Variants in SAMD12 observed in about 807,000 individuals in gnomAD.
SAMD12 encodes the protein sterile alpha motif domain-containing protein 12.
In SAMD12, 9 loss-of-function variants were observed where a neutral mutation model predicts 15.0. The ratio of observed to expected loss-of-function variants is 0.60; its 90% CI spans 0.36 to 1.05. The LOEUF (loss-of-function observed/expected upper bound fraction) is 1.05, where lower values mean the gene tolerates loss of function less well. Among genes scored for constraint, SAMD12 ranks in the 50% least tolerant of loss-of-function variants. The pLI is 0.01. For missense variants in SAMD12, 230 were observed against 234.2 expected (o/e 0.98, Z 0.12); for synonymous variants, 86 against 90.1 (o/e 0.96, Z 0.25).
intron 4 of SAMD12, among the ~76,000 whole-genome samples, chr8:118,357,585 T>G (rs1371475752): frequency 1.3e-5 from 2 of 152,208 alleles, no homozygotes; most frequent in Admixed American, 6.5e-5. Flanking sequence ...GTACGTGAGA[T>G]GATGGATATG....
intron 4 of SAMD12, among the ~76,000 whole-genome samples, chr8:118,339,769 G>T (rs902054803): frequency 6.6e-6 from 1 of 152,226 alleles, no homozygotes; most frequent in Non-Finnish European, 1.5e-5. Flanking sequence ...ACACTGAGAG[G>T]CTGTCTCTTC....
At chr8:118,369,675 A>G (rs1818979552) in intron 4 of SAMD12, among the ~76,000 whole-genome samples, 1 of 152,110 alleles carries the variant, frequency 6.6e-6, no homozygotes, top group African/African-American at 2.4e-5. Flanking sequence ...GGATCACGCC[A>G]TTATACTCCC....
the SAMD12 span, among the ~76,000 whole-genome samples, chr8:118,165,191 A>G: frequency 6.6e-6 from 1 of 152,220 alleles, no homozygotes; most frequent in Non-Finnish European, 1.5e-5. Flanking sequence ...CTGACAGGCT[A>G]TAAATTGAAG....
chr8:118,414,481 C>T (rs1028237395), intron 3 of SAMD12, among the ~76,000 whole-genome samples: 1 of 152,162 alleles, frequency 6.6e-6, no homozygotes, highest in Non-Finnish European at 1.5e-5. Flanking sequence ...TTTAATTTTA[C>T]TTTCAAGGAA....
chr8:118,332,937 C>G (rs555796674), intron 4 of SAMD12, among the ~76,000 whole-genome samples: 11 of 152,246 alleles, frequency 7.2e-5, no homozygotes. Context: ...TTCTAGTGAC[C>G]TCATATTTAT....
chr8:118,366,881 T>TAAAATAATAA (rs1372250393), intron 4 of SAMD12, among the ~76,000 whole-genome samples: 62 of 52,286 alleles, frequency 1.2e-3, no homozygotes, highest in African/African-American at 2.0e-3. Context: ...TAAAATAAAA[T>TAAAATAATAA]AATAAAATAA....
intron 4 of SAMD12, among the ~76,000 whole-genome samples, chr8:118,320,533 T>C (rs1212044629): frequency 2.6e-5 from 4 of 151,950 alleles, no homozygotes; most frequent in African/African-American, 9.7e-5. Context: ...AATCAACTCG[T>C]TATATTGAAA....
At chr8:118,351,487 C>A (rs1233220248) in intron 4 of SAMD12, among the ~76,000 whole-genome samples, 3 of 152,164 alleles carry the variant, frequency 2.0e-5, no homozygotes, top group African/African-American at 7.2e-5. Flanking sequence ...AACTTCCTCT[C>A]TAGCTGCCTC....
chr8:118,468,722 C>A (rs1406352177), intron 2 of SAMD12, among the ~76,000 whole-genome samples: 2 of 151,910 alleles, frequency 1.3e-5, no homozygotes, highest in East Asian at 3.9e-4. Flanking sequence ...TGATCACTGA[C>A]CTTTTTATGA....
intron 2 of SAMD12, among the ~76,000 whole-genome samples, chr8:118,497,041 T>C (rs982516314): frequency 6.6e-6 from 1 of 152,182 alleles, no homozygotes; most frequent in Non-Finnish European, 1.5e-5. Flanking sequence ...CTAGTCAGAA[T>C]GGCTATTACT....
At chr8:118,576,302 T>C (rs1436156665) in intron 2 of SAMD12, among the ~76,000 whole-genome samples, 1 of 152,240 alleles carries the variant, frequency 6.6e-6, no homozygotes, top group Non-Finnish European at 1.5e-5. Context: ...CCACATGTGC[T>C]AGTGGCTATT....
At chr8:118,198,174 C>T (rs1284753929) in intron 4 of SAMD12, among the ~76,000 whole-genome samples, 2 of 151,920 alleles carry the variant, frequency 1.3e-5, no homozygotes, top group South Asian at 2.1e-4. Flanking sequence ...TCTTGGGATG[C>T]AATCTAGAAA....
In SAMD12 at chr8:118,414,135, C is replaced by T. The variant is rs193157253; in HGVS notation, c.322+25697G>A. 4.9e-4 allele frequency among the ~76,000 whole-genome samples: 74 copies of T among 152,226 alleles called. No individual in the cohort carries two copies. In the Middle Eastern group the frequency reaches 0.021, roughly 43 times the overall value. ...TTACCAGGTGTTTGGTTAACGCATG[C>T]GTATATAAAGAGTTAGCAAATATTT... On this transcript the variant is annotated intron_variant, in intron 3 of 3. Coordinates refer to ENST00000314727, the MANE Select transcript of SAMD12 (RefSeq NM_207506.3).
the SAMD12 span, among the ~76,000 whole-genome samples, chr8:118,134,940 T>A: frequency 6.6e-6 from 1 of 152,156 alleles, no homozygotes. Context: ...GAAAAACTTG[T>A]TAAAAGGCAG....
chr8:118,222,803 C>A (rs1278439683), intron 4 of SAMD12, among the ~76,000 whole-genome samples: 1 of 152,062 alleles, frequency 6.6e-6, no homozygotes, highest in Non-Finnish European at 1.5e-5. Flanking sequence ...CGGCACCCGG[C>A]CGAGGAAGTG....
chr8:118,208,573 T>C (rs1428178012), intron 4 of SAMD12, among the ~76,000 whole-genome samples: 1 of 152,258 alleles, frequency 6.6e-6, no homozygotes, highest in East Asian at 1.9e-4. Context: ...CTATGTGAAC[T>C]GAACTATGTG....
At chr8:118,503,521 A>G (rs967085748) in intron 2 of SAMD12, among the ~76,000 whole-genome samples, 1 of 152,178 alleles carries the variant, frequency 6.6e-6, no homozygotes, top group Non-Finnish European at 1.5e-5. Context: ...AAAACTTCAA[A>G]TGAGGCTGAA....
chr8:118,422,584 T>G (rs983848985), intron 3 of SAMD12, among the ~76,000 whole-genome samples: 7 of 152,190 alleles, frequency 4.6e-5, no homozygotes, highest in African/African-American at 1.7e-4. Context: ...ACGAAAAACC[T>G]CATAAGCCAA....
At chr8:118,557,328 C>T (rs1586817624) in intron 2 of SAMD12, among the ~76,000 whole-genome samples, 1 of 152,196 alleles carries the variant, frequency 6.6e-6, no homozygotes, top group East Asian at 1.9e-4. Context: ...TTCCTAAGGC[C>T]TTCACAGCCA....
Sources: gnomAD v4.1 joint callset for allele counts (sites outside exome capture counted in the v4.1 genomes callset) on GRCh38, gnomAD v4.1.1 for gene constraint, MANE v1.5 for transcripts, NCBI Gene and HGNC (gene_info 2026-07-23, HGNC 2026-07-21) for gene names.